LHX8: variants seen among roughly 807,000 people sequenced by gnomAD.
LHX8 encodes LIM homeobox 8, also known as LIM/homeobox protein Lhx8.
LHX8 carries 12 observed loss-of-function variants against 40.3 expected under a neutral mutation model. The observed-to-expected ratio is 0.30, with a 90% confidence interval of 0.19 to 0.48. LHX8 has a LOEUF of 0.48. LHX8 is among the 20% of genes least tolerant of loss of function. The probability of loss-of-function intolerance (pLI) is 0.99; values close to 1 mark genes in which losing one functional copy is unlikely to be tolerated. For synonymous variants in LHX8, 179 were observed against 162.0 expected, an observed-to-expected ratio of 1.10 and a Z score of -0.80; for missense variants, 344 against 433.7, an observed-to-expected ratio of 0.79 and a Z score of 1.84.
chr1:75,130,613 C>G (rs562223541), upstream of LHX8: 67 of 1,097,708 alleles, frequency 6.1e-5, no homozygotes, highest in Non-Finnish European at 8.9e-5. Flanking sequence ...AAGCACCCCT[C>G]TCTTACCCTC....
At chr1:75,196,151 C>T in the LHX8 span, among the ~76,000 whole-genome samples, 1 of 151,740 alleles carries the variant, frequency 6.6e-6, no homozygotes, top group Non-Finnish European at 1.5e-5. Flanking sequence ...TTTTTTTTCC[C>T]TCAAATCTGA....
In LHX8 at chr1:75,156,888, C is replaced by G. The variant is rs761928703; in HGVS notation, c.781-5C>G. The G allele has an allele frequency of 3.7e-6, 6 of 1,614,122 alleles. No individual in the cohort carries two copies. The highest frequency in any genetic ancestry group is 5.1e-6 in the Non-Finnish European group (6 of 1,179,976). On this transcript the variant is annotated splice_region_variant and splice_polypyrimidine_tract_variant and intron_variant, in intron 7 of 8. Transcript: ENST00000356261. ...CCTACTTCTGTTGCTTTTCTCCCTG[C>G]TCAGGTGTGGTTTCAGAATTGTAGA...
the LHX8 span, among the ~76,000 whole-genome samples, chr1:75,167,908 A>G: frequency 6.6e-6 from 1 of 152,196 alleles, no homozygotes; most frequent in Non-Finnish European, 1.5e-5. Flanking sequence ...AGGTTGGGTC[A>G]TTATCGAGTA....
chr1:75,189,522 G>A, the LHX8 span, among the ~76,000 whole-genome samples: 1 of 152,116 alleles, frequency 6.6e-6, no homozygotes, highest in Non-Finnish European at 1.5e-5. Context: ...TGGATAGGGT[G>A]TCTAAAGATG....
chr1:75,193,577 C>T, the LHX8 span, among the ~76,000 whole-genome samples: 109 of 152,294 alleles, frequency 7.2e-4, no homozygotes, highest in Middle Eastern at 3.4e-3. Flanking sequence ...ATCTAATTTT[C>T]GGGTTTGTAT....
intron 7 of LHX8, among the ~76,000 whole-genome samples, chr1:75,156,466 C>A (rs1648771144): frequency 6.6e-6 from 1 of 151,776 alleles, no homozygotes; most frequent in African/African-American, 2.4e-5. Flanking sequence ...GGTATTGAAC[C>A]CCTCACCTCA....
upstream of LHX8, chr1:75,130,798 A>G: frequency 6.7e-7 from 1 of 1,494,726 alleles, no homozygotes; most frequent in Admixed American, 1.7e-5. Flanking sequence ...AATATTTATA[A>G]TGGTTACACG....
intron 7 of LHX8, 70 bp from the exon 8 acceptor site, chr1:75,156,823 A>G: frequency 7.0e-7 from 1 of 1,423,012 alleles, no homozygotes; most frequent in East Asian, 2.3e-5. Context: ...TCATTTTTTA[A>G]CTGAGTTGAT....
chr1:75,141,585 T>G (rs1443914629), intron 4 of LHX8, among the ~76,000 whole-genome samples: 2 of 152,124 alleles, frequency 1.3e-5, no homozygotes, highest in African/African-American at 4.8e-5. Flanking sequence ...AACTGTAGTA[T>G]TCAGAAGAAT....
At chr1:75,129,232 A>C (rs1182196786) in intron 1 of LHX8, among the ~76,000 whole-genome samples, 1 of 152,166 alleles carries the variant, frequency 6.6e-6, no homozygotes, top group Non-Finnish European at 1.5e-5. Flanking sequence ...CTGTGCTCTT[A>C]CTATAATAAC....
chr1:75,139,514 AG>A (rs1648253788), intron 3 of LHX8, among the ~76,000 whole-genome samples: 1 of 152,172 alleles, frequency 6.6e-6, no homozygotes, highest in Non-Finnish European at 1.5e-5. Flanking sequence ...GGAATTTTAA[AG>A]GAAGCCTGTT....
At chr1:75,183,350 AG>A in the LHX8 span, among the ~76,000 whole-genome samples, 4 of 152,158 alleles carry the variant, frequency 2.6e-5, no homozygotes, top group African/African-American at 9.7e-5. Context: ...TCAAAATAAA[AG>A]AAAGGAATGT....
At chr1:75,135,549 G>C (rs953296530) in intron 1 of LHX8, among the ~76,000 whole-genome samples, 1 of 152,242 alleles carries the variant, frequency 6.6e-6, no homozygotes, top group African/African-American at 2.4e-5. Context: ...TGCTTCCAGA[G>C]GGAGGGAGAA....
At chr1:75,186,711 C>A in the LHX8 span, among the ~76,000 whole-genome samples, 1 of 152,092 alleles carries the variant, frequency 6.6e-6, no homozygotes, top group African/African-American at 2.4e-5. Flanking sequence ...TCCAAGGCAG[C>A]TTTGAAAGGC....
upstream of LHX8, chr1:75,131,982 G>T (rs1303147343): frequency 2.0e-5 from 3 of 152,120 alleles, no homozygotes; most frequent in Non-Finnish European, 4.4e-5. Flanking sequence ...ATGTTTTTTT[G>T]ATCAGAGTCT....
chr1:75,188,265 A>G, the LHX8 span, among the ~76,000 whole-genome samples: 1 of 152,134 alleles, frequency 6.6e-6, no homozygotes, highest in Admixed American at 6.6e-5. Context: ...ACCACACTCA[A>G]TGAGAAGATT....
chr1:75,135,277 A>G (rs921825228), intron 1 of LHX8, among the ~76,000 whole-genome samples: 1 of 152,170 alleles, frequency 6.6e-6, no homozygotes, highest in Non-Finnish European at 1.5e-5. Flanking sequence ...ACCTGTGGGT[A>G]TTTGGTGTTT....
chr1:75,144,415 A>G (rs1187271229), intron 6 of LHX8, among the ~76,000 whole-genome samples: 1 of 152,216 alleles, frequency 6.6e-6, no homozygotes, highest in Non-Finnish European at 1.5e-5. Flanking sequence ...GTTTTTGAGT[A>G]GGAAATAATT....
chr1:75,138,894 G>A (rs181477799), intron 3 of LHX8, among the ~76,000 whole-genome samples: 3 of 152,226 alleles, frequency 2.0e-5, no homozygotes, highest in South Asian at 2.1e-4. Context: ...AGCCTTCCAT[G>A]TACAGTATTA....
Sources: allele counts gnomAD v4.1 joint callset (sites outside exome capture counted in the v4.1 genomes callset), GRCh38; gene constraint gnomAD v4.1.1; transcripts MANE v1.5; gene names NCBI Gene and HGNC (gene_info 2026-07-23, HGNC 2026-07-21).